Variants in DLG2 observed in about 807,000 individuals in gnomAD.
DLG2 encodes discs large MAGUK scaffold protein 2, also known as disks large homolog 2.
DLG2 carries 45 observed loss-of-function variants against 132.5 expected under a neutral mutation model. That is an observed-to-expected ratio of 0.34 (90% CI 0.27 to 0.44). The LOEUF (loss-of-function observed/expected upper bound fraction) is 0.44. Ranked by LOEUF, DLG2 falls within the 20% of genes least tolerant of loss-of-function variation. DLG2 has a pLI of 1.00. For synonymous variants in DLG2, 424 were observed against 419.6 expected, an observed-to-expected ratio of 1.01 and a Z score of -0.13; for missense variants, 1,045 against 1,196.9, an observed-to-expected ratio of 0.87 and a Z score of 1.87.
chr11:84,373,268 A>AAAAAAAAAAAAAAAAAAC lies in DLG2; in HGVS notation c.520-121978_520-121977insGTTTTTTTTTTTTTTTTT, dbSNP rs1567449347. ...AACAGTCAAAAAAAAAAAAAAACAA[A>AAAAAAAAAAAAAAAAAAC]ACAAAAAAAAAACCCACCAGGCCCG... On this transcript the variant is annotated intron_variant, in intron 7 of 27. Coordinates refer to ENST00000376104, the MANE Select transcript of DLG2 (RefSeq NM_001142699.3). 2.1e-4 allele frequency among the ~76,000 whole-genome samples: 29 copies of AAAAAAAAAAAAAAAAAAC among 135,752 alleles called. 1 individual carries two copies. The highest frequency in any genetic ancestry group is 3.7e-4 in the Non-Finnish European group (24 of 64,510). The allele number at this position is 135,752 out of a possible 152,430, so 89.1% of individuals were successfully genotyped here.
At position 85,048,014 on chromosome 11, in the gene DLG2, C is replaced by T. The variant is rs181359255; in HGVS notation, c.357+63647G>A. 4.1e-4 allele frequency among the ~76,000 whole-genome samples: 62 copies of T among 151,968 alleles called. 2 individuals carry two copies. The highest frequency in any genetic ancestry group is 1.3e-3 in the African/African-American group (56 of 41,522). On this transcript the variant is annotated intron_variant, in intron 6 of 27. Transcript: ENST00000376104. ...TTTCATTCATAGTAAGTAAAATGTGCAAAAGTTGCCTTCCTAATAGTCTAC... is the reference window on the plus strand; with the variant it reads ...TTTCATTCATAGTAAGTAAAATGTGTAAAAGTTGCCTTCCTAATAGTCTAC...
At chr11:83,778,199 A>G (rs1033530309) in intron 18 of DLG2, among the ~76,000 whole-genome samples, 2 of 152,120 alleles carry the variant, frequency 1.3e-5, no homozygotes, top group East Asian at 3.8e-4. Flanking sequence ...GTTCTCTAAC[A>G]CCCTGAAATT....
At chr11:84,775,711 A>C (rs2070347831) in intron 6 of DLG2, among the ~76,000 whole-genome samples, 1 of 152,156 alleles carries the variant, frequency 6.6e-6, no homozygotes, top group Non-Finnish European at 1.5e-5. Context: ...TGGGAGTTAT[A>C]CATGGCAACA....
intron 18 of DLG2, among the ~76,000 whole-genome samples, chr11:83,711,417 C>T (rs748865909): frequency 1.6e-4 from 24 of 152,188 alleles, no homozygotes; most frequent in South Asian, 2.1e-4. Context: ...AATGGGATGA[C>T]GTCCATCTGT....
chr11:84,879,299 ATATT>A (rs2086909477), intron 6 of DLG2, among the ~76,000 whole-genome samples: 1 of 152,142 alleles, frequency 6.6e-6, no homozygotes, highest in African/African-American at 2.4e-5. Flanking sequence ...AAATCACCAA[ATATT>A]TATTGAGTGC....
chr11:83,814,316 T>C (rs1004470586), intron 17 of DLG2, among the ~76,000 whole-genome samples: 1 of 152,178 alleles, frequency 6.6e-6, no homozygotes, highest in Non-Finnish European at 1.5e-5. Flanking sequence ...CGATAGAGGC[T>C]AAATAAACAG....
chr11:85,209,426 T>C (rs371802183), intron 4 of DLG2, among the ~76,000 whole-genome samples: 31 of 139,020 alleles, frequency 2.2e-4, no homozygotes, highest in African/African-American at 7.4e-4. Flanking sequence ...TCTGAACTTA[T>C]GGGCACAAAG....
intron 13 of DLG2, among the ~76,000 whole-genome samples, chr11:83,964,141 TTA>T (rs1228400125): frequency 1.3e-5 from 2 of 152,012 alleles, no homozygotes; most frequent in African/African-American, 4.8e-5. Flanking sequence ...TACTCAATAC[TTA>T]TTTGTTAGGT....
chr11:85,577,685 C>T (rs1230257594), intron 3 of DLG2, among the ~76,000 whole-genome samples: 3 of 151,882 alleles, frequency 2.0e-5, no homozygotes, highest in African/African-American at 4.8e-5. Flanking sequence ...AATGAACCTA[C>T]CTAAGTACAG....
At chr11:84,671,925 T>G (rs1307564401) in intron 6 of DLG2, among the ~76,000 whole-genome samples, 1 of 152,174 alleles carries the variant, frequency 6.6e-6, no homozygotes, top group African/African-American at 2.4e-5. Flanking sequence ...ATTTCTGTGT[T>G]CCCTGGATGG....
At position 85,488,476 on chromosome 11, in the gene DLG2, TG is replaced by T. The variant is rs532288265; in HGVS notation, c.40+110180del. Among the ~76,000 whole-genome samples, 69 of 152,128 alleles carry T rather than the reference TG, an allele frequency of 4.5e-4. 2 individuals are homozygous for T. In the South Asian group the frequency reaches 0.014, roughly 30 times the overall value. On this transcript the variant is annotated intron_variant, in intron 3 of 27. Coordinates refer to ENST00000376104, the MANE Select transcript of DLG2 (RefSeq NM_001142699.3). ...TGAGGCCTCCCCAGCCATATGAAAC[TG>T]TAAGTCCAATTAAGTCCAATTAAAC...
At chr11:85,203,378 C>G (rs1034763177) in intron 4 of DLG2, among the ~76,000 whole-genome samples, 30 of 151,980 alleles carry the variant, frequency 2.0e-4, no homozygotes, top group African/African-American at 7.0e-4. Context: ...GACATTACAA[C>G]TGATACCACA....
intron 18 of DLG2, among the ~76,000 whole-genome samples, chr11:83,772,386 G>C (rs937178034): frequency 6.7e-6 from 1 of 150,374 alleles, no homozygotes; most frequent in Non-Finnish European, 1.5e-5. Flanking sequence ...CTCCAGCCTG[G>C]GTGAGAGAGC....
At chr11:85,163,747 T>C (rs2078218840) in intron 4 of DLG2, among the ~76,000 whole-genome samples, 1 of 152,164 alleles carries the variant, frequency 6.6e-6, no homozygotes, top group Admixed American at 6.6e-5. Flanking sequence ...ACCCATTGAA[T>C]AGGGTCTTCT....
rs185961736 is a variant in DLG2, at chr11:83,496,507, C to T, written c.2194-12279G>A. 4.2e-3 allele frequency among the ~76,000 whole-genome samples: 639 copies of T among 152,204 alleles called. 2 individuals are homozygous for T. Among genetic ancestry groups the T allele is most frequent in the Non-Finnish European group, 5.9e-3 (398 of 67,982 alleles). On this transcript the variant is annotated intron_variant, in intron 21 of 27. Transcript: ENST00000376104. Reference sequence around the variant, plus strand: ...ATATGTCCACAAAAAGGTATCTTTACAAGACTGTTCACAATTACCTCAAAC... The same window carrying T: ...ATATGTCCACAAAAAGGTATCTTTATAAGACTGTTCACAATTACCTCAAAC...
At chr11:84,195,363 C>T (rs994651700) in intron 8 of DLG2, among the ~76,000 whole-genome samples, 12 of 152,030 alleles carry the variant, frequency 7.9e-5, no homozygotes, top group Admixed American at 2.6e-4. Context: ...CGGGGTTTCA[C>T]CCATGTTGGC....
At chr11:84,645,073 C>G (rs1291808712) in intron 6 of DLG2, among the ~76,000 whole-genome samples, 3 of 152,126 alleles carry the variant, frequency 2.0e-5, no homozygotes, top group Non-Finnish European at 4.4e-5. Flanking sequence ...AAAACCATGA[C>G]CTTACCCTAC....
chr11:85,594,502 A>G (rs1208266353), intron 3 of DLG2, among the ~76,000 whole-genome samples: 1 of 152,182 alleles, frequency 6.6e-6, no homozygotes, highest in Non-Finnish European at 1.5e-5. Flanking sequence ...CTGGGAAGAA[A>G]TATAAGGCAA....
chr11:84,635,114 TAAC>T (rs1292469332), intron 6 of DLG2, among the ~76,000 whole-genome samples: 2 of 152,264 alleles, frequency 1.3e-5, no homozygotes, highest in African/African-American at 4.8e-5. Context: ...AGCAAAACAA[TAAC>T]AACAAACTTT....
Sources: allele counts gnomAD v4.1 joint callset (sites outside exome capture counted in the v4.1 genomes callset), GRCh38; gene constraint gnomAD v4.1.1; transcripts MANE v1.5; gene names NCBI Gene and HGNC (gene_info 2026-07-23, HGNC 2026-07-21).